PIGB: variants seen among roughly 807,000 people sequenced by gnomAD.
PIGB encodes phosphatidylinositol glycan anchor biosynthesis class B.
A neutral mutation model predicts 68.4 loss-of-function variants in PIGB; 58 were observed. The observed-to-expected ratio is 0.85, with a 90% CI of 0.69 to 1.06. The LOEUF (loss-of-function observed/expected upper bound fraction) is 1.06. Ranked by LOEUF, PIGB falls within the 50% of genes least tolerant of loss-of-function variation. The pLI, the probability that PIGB is intolerant of heterozygous loss-of-function variation, is 0.00. For missense variants in PIGB, 634 were observed against 655.8 expected (o/e 0.97, Z 0.36); for synonymous variants, 219 against 220.5 (o/e 0.99, Z 0.06).
At position 55,319,239 on chromosome 15, in the gene PIGB, T is replaced by C. The variant is rs776082205; in HGVS notation, c.-12T>C. 6.2e-7 allele frequency: 1 copy of C among 1,600,526 alleles called. No individual in the cohort carries two copies. The highest frequency in any genetic ancestry group is 1.7e-5 in the Admixed American group (1 of 58,018). On this transcript the variant is annotated 5_prime_UTR_variant, in exon 1 of 12. Transcript: ENST00000164305. Reference sequence around the variant, plus strand: ...GCAGCTTTCTTCCGCCTTAGGAAGGTGGCGGCCAGGGATGAGGAGGCCCCT... The same window carrying C: ...GCAGCTTTCTTCCGCCTTAGGAAGGCGGCGGCCAGGGATGAGGAGGCCCCT...
In PIGB at chr15:55,340,886, C is replaced by A. The variant is rs141621013; in HGVS notation, c.1058+63C>A. 437 of 1,084,872 alleles carry A rather than the reference C, an allele frequency of 4.0e-4. 1 individual carries two copies. In the African/African-American group the frequency reaches 6.5e-3, roughly 16 times the overall value. The allele number at this position is 1,084,872 out of a possible 1,614,324, so 67.2% of individuals were successfully genotyped here. A position where few individuals can be genotyped will look rare whatever the true frequency, so the allele number is the denominator to read the frequency against. ...TGTTACCAAGAAATCAAATTAAATT[C>A]TTCAAAAAGTAAACTTTATGTTTTG... On this transcript the variant is annotated intron_variant, in intron 8 of 11. Transcript: ENST00000164305.
At chr15:55,340,855 T>G (rs766534134) in intron 8 of PIGB, 32 bp downstream of exon 8, 2 of 1,330,710 alleles carry the variant, frequency 1.5e-6, no homozygotes, top group Admixed American at 2.5e-5. Context: ...AGGCTAAAAT[T>G]TTTTATGTTA....
rs1173534186 is a variant in PIGB, at chr15:55,327,548, T to G, written c.435T>G (p.Leu145=). 2.5e-6 allele frequency: 4 copies of G among 1,609,076 alleles called. No homozygotes were observed. In the Admixed American group the frequency reaches 6.8e-5, roughly 27 times the overall value. ...SVQLLIWIPR[L]AQALLSAVAD... ...TGATGAAGATTTGGATTCCTAGACT[T>G]GCCCAAGCACTTCTGTCTGCTGTAG... Residue 145 remains leucine (L), a synonymous_variant, in exon 4 of 12, where the codon CTT becomes CTG. Coordinates refer to ENST00000164305, the MANE Select transcript of PIGB (RefSeq NM_004855.5).
At chr15:55,340,853 A>G (rs1363498756) in intron 8 of PIGB, 30 bp downstream of exon 8, 3 of 1,339,240 alleles carry the variant, frequency 2.2e-6, no homozygotes, top group Non-Finnish European at 3.1e-6. Context: ...AAAGGCTAAA[A>G]TTTTTTATGT....
intron 8 of PIGB, among the ~76,000 whole-genome samples, chr15:55,341,352 C>A (rs1266327310): frequency 6.6e-6 from 1 of 152,132 alleles, no homozygotes; most frequent in Non-Finnish European, 1.5e-5. Flanking sequence ...CAAAACAAGA[C>A]CCTGTCTCAG....
chr15:55,320,363 A>T lies in PIGB; in HGVS notation c.252A>T (p.Pro84=). The T allele has an allele frequency of 6.2e-7, 1 of 1,613,712 alleles. No individual in the cohort carries two copies. The highest frequency in any genetic ancestry group is 8.5e-7 in the Non-Finnish European group (1 of 1,179,682). ...NCFLVQTSFV[P]DEYWQSLEVS... is the part of the protein sequence containing the mutation. ...TTTTAGTGCAGACAAGTTTTGTTCC[A>T]GATGAATACTGGCAGTCTCTTGAAG... The change falls in exon 2 of 12, where the codon CCA becomes CCT. Residue 84 remains proline (P), a synonymous_variant. Coordinates refer to ENST00000164305, the MANE Select transcript of PIGB (RefSeq NM_004855.5).
At chr15:55,324,829 C>T (rs1359459613) in intron 3 of PIGB, 1 of 984,236 alleles carries the variant, frequency 1.0e-6, no homozygotes, top group Non-Finnish European at 1.2e-6. Flanking sequence ...GCAGAGTAAA[C>T]AGAAGGTATG....
At chr15:55,338,253 T>A (rs1566953801) in intron 6 of PIGB, among the ~76,000 whole-genome samples, 1 of 152,126 alleles carries the variant, frequency 6.6e-6, no homozygotes. Flanking sequence ...CTTTGTATAA[T>A]CCCCTCCCCC....
chr15:55,349,274 A>G (rs1238120411), intron 9 of PIGB, among the ~76,000 whole-genome samples: 1 of 152,036 alleles, frequency 6.6e-6, no homozygotes, highest in Non-Finnish European at 1.5e-5. Flanking sequence ...CCTCAAACTC[A>G]TGAGCACAGG....
In PIGB at chr15:55,355,341, A is replaced by G. The variant is rs778049348; in HGVS notation, c.1574A>G (p.His525Arg). 27 of 1,611,602 alleles carry G rather than the reference A, an allele frequency of 1.7e-5. No individual in the cohort carries two copies. The highest frequency in any genetic ancestry group is 2.3e-5 in the Non-Finnish European group (27 of 1,177,914). ...SNYKRTAVFF[H>R]THLPEGRIGS... ...TATAAAAGAACTGCTGTTTTCTTCC[A>G]CACTCACTTGCCAGAGGGTCGAATT... The change falls in exon 12 of 12, where the codon CAC (histidine) becomes CGC (arginine). Residue 525 changes from histidine (H) to arginine (R), a missense_variant. Physicochemically the swap from His to Arg is conservative, Grantham distance 29. Transcript: ENST00000164305.
chr15:55,341,696 A>G, intron 8 of PIGB, 42 bp from the exon 9 acceptor site: 1 of 771,922 alleles, frequency 1.3e-6, no homozygotes. Flanking sequence ...ATCATATAAC[A>G]TGATAATTAA....
chr15:55,355,126 C>T, intron 11 of PIGB, 148 bp downstream of exon 11: 1 of 892,120 alleles, frequency 1.1e-6, no homozygotes, highest in Non-Finnish European at 1.7e-6. Context: ...AAAATTAGCC[C>T]CAGTTCTGTA....
chr15:55,340,655 A>G lies in PIGB; in HGVS notation c.890A>G (p.Gln297Arg). The change falls in exon 8 of 12, where the codon CAG (glutamine) becomes CGG (arginine). Residue 297 changes from glutamine (Q) to arginine (R), a missense_variant. Transcript: ENST00000164305. The part of the protein sequence containing the change: ...QFNFLKFNVL[Q>R]NWGTFYGSHP... ...AATTTTTTGAAATTTAACGTGCTGCAGAACTGGGGAACATTTTATGGTTCT... is the reference window on the plus strand; with the variant it reads ...AATTTTTTGAAATTTAACGTGCTGCGGAACTGGGGAACATTTTATGGTTCT... 6.2e-7 allele frequency: 1 copy of G among 1,612,954 alleles called. No homozygotes were observed. Among genetic ancestry groups the G allele is most frequent in the Non-Finnish European group, 8.5e-7 (1 of 1,179,488 alleles).
chr15:55,339,050 TTAA>T (rs1185945017), intron 6 of PIGB, among the ~76,000 whole-genome samples: 2 of 152,232 alleles, frequency 1.3e-5, no homozygotes, highest in Non-Finnish European at 2.9e-5. Flanking sequence ...AATCTTTTTA[TTAA>T]TATATTTTTT....
At chr15:55,347,204 C>T (rs957711248) in intron 9 of PIGB, among the ~76,000 whole-genome samples, 3 of 152,184 alleles carry the variant, frequency 2.0e-5, no homozygotes, top group Non-Finnish European at 4.4e-5. Flanking sequence ...GAGGCTGTGG[C>T]GGGCAGATCA....
At chr15:55,347,279 AG>A (rs1222515909) in intron 9 of PIGB, among the ~76,000 whole-genome samples, 1 of 152,154 alleles carries the variant, frequency 6.6e-6, no homozygotes, top group East Asian at 1.9e-4. Context: ...TACAAAAATT[AG>A]CCGGGCATGG....
intron 8 of PIGB, 68 bp downstream of exon 8, chr15:55,340,891 A>G (rs1595791907): frequency 9.5e-7 from 1 of 1,053,396 alleles, no homozygotes; most frequent in East Asian, 2.6e-5. Flanking sequence ...AAATTCTTCA[A>G]AAAGTAAACT....
At chr15:55,341,063 TA>T (rs11353654) in intron 8 of PIGB, among the ~76,000 whole-genome samples, 40,194 of 144,674 alleles carry the variant, frequency 0.28, 6,413 homozygotes, top group East Asian at 0.55. Context: ...TTATTTGCTT[TA>T]AAAAAAAAAA....
chr15:55,320,250 T>C lies in PIGB; in HGVS notation c.164-25T>C, dbSNP rs778151856. The C allele has an allele frequency of 9.3e-6, 15 of 1,604,992 alleles. No individual in the cohort carries two copies. In the African/African-American group the frequency reaches 2.0e-4, roughly 22 times the overall value. On this transcript the variant is annotated intron_variant, in intron 1 of 11. Coordinates refer to ENST00000164305, the MANE Select transcript of PIGB (RefSeq NM_004855.5). ...GAACTGCCTGACTTTTGTGCCACTA[T>C]TACCTGTTTTGTTCTGTTTTTCAGA...
Sources: gnomAD v4.1 joint callset for allele counts (sites outside exome capture counted in the v4.1 genomes callset) on GRCh38, gnomAD v4.1.1 for gene constraint, MANE v1.5 for transcripts, NCBI Gene and HGNC (gene_info 2026-07-23, HGNC 2026-07-21) for gene names.